Variants in FOXK2 observed in about 807,000 individuals in gnomAD.
FOXK2 encodes the protein forkhead box K2.
In FOXK2, 24 loss-of-function variants were observed where a neutral mutation model predicts 53.3. The observed-to-expected ratio is 0.45, with a 90% CI of 0.33 to 0.63. FOXK2 has a LOEUF of 0.63. Ranked by LOEUF, FOXK2 falls within the 30% of genes least tolerant of loss-of-function variation. FOXK2 has a pLI of 0.03. For synonymous variants in FOXK2, 505 were observed against 407.1 expected (o/e 1.24, Z -2.89); for missense variants, 952 against 910.5 (o/e 1.05, Z -0.59).
At position 82,585,502 on chromosome 17, in the gene FOXK2, A is replaced by C. The variant is rs1352316624; in HGVS notation, c.1280-402A>C. Among the ~76,000 whole-genome samples the C allele has an allele frequency of 5.9e-5, 9 of 152,214 alleles. No individual in the cohort carries two copies. In the Middle Eastern group the frequency reaches 0.017, roughly 288 times the overall value. Reference sequence around the variant, plus strand: ...AACATGCCCGGTTAATATTTGTCGTAGAGACAGGGTCTCCCTATGCCCAGG... The same window carrying C: ...AACATGCCCGGTTAATATTTGTCGTCGAGACAGGGTCTCCCTATGCCCAGG... On this transcript the variant is annotated intron_variant, in intron 6 of 8. Coordinates refer to ENST00000335255, the MANE Select transcript of FOXK2 (RefSeq NM_004514.4).
At chr17:82,573,225 T>G (rs1021953514) in intron 4 of FOXK2, among the ~76,000 whole-genome samples, 6 of 151,880 alleles carry the variant, frequency 4.0e-5, no homozygotes, top group African/African-American at 1.5e-4. Flanking sequence ...CAGCCACGTC[T>G]TCCATATTTC....
At chr17:82,555,262 G>A (rs1206181909) in intron 1 of FOXK2, among the ~76,000 whole-genome samples, 2 of 152,178 alleles carry the variant, frequency 1.3e-5, no homozygotes, top group African/African-American at 2.4e-5. Flanking sequence ...AGCTGCATGT[G>A]GACCTGCACT....
intron 1 of FOXK2, among the ~76,000 whole-genome samples, chr17:82,556,211 C>T (rs560283281): frequency 3.0e-4 from 46 of 151,792 alleles, no homozygotes; most frequent in African/African-American, 9.4e-4. Context: ...TTTGGGAGGC[C>T]GAGGTGGGCG....
intron 8 of FOXK2, chr17:82,601,039 C>A (rs2045376714): frequency 4.6e-6 from 2 of 435,602 alleles, no homozygotes; most frequent in South Asian, 9.0e-5. Flanking sequence ...TAAAAATGTC[C>A]GCTAATCAGG....
intron 4 of FOXK2, among the ~76,000 whole-genome samples, chr17:82,579,350 A>C (rs1000972793): frequency 6.6e-6 from 1 of 152,214 alleles, no homozygotes; most frequent in Admixed American, 6.5e-5. Context: ...GCTAAAGCCA[A>C]ATAAAACATT....
In FOXK2 at chr17:82,601,525, A is replaced by G. The variant is rs761242202; in HGVS notation, c.*26A>G. 3.2e-6 allele frequency: 5 copies of G among 1,580,286 alleles called. No individual in the cohort carries two copies. The highest frequency in any genetic ancestry group is 4.5e-5 in the East Asian group (2 of 44,364). ...CGACCGGGAGAGCTTTTCTTTAACG[A>G]TATCAACTCTGTGGTGCCAAAAGGA... On this transcript the variant is annotated 3_prime_UTR_variant, in exon 9 of 9. Transcript: ENST00000335255.
chr17:82,559,215 G>A (rs549051835), intron 1 of FOXK2: 11 of 384,690 alleles, frequency 2.9e-5, no homozygotes, highest in Non-Finnish European at 5.9e-5. Context: ...TGTTTGATTT[G>A]GTGTCCTGAG....
At chr17:82,563,309 G>A (rs754956035) in intron 1 of FOXK2, 45 bp from the exon 2 acceptor site, 19 of 1,577,238 alleles carry the variant, frequency 1.2e-5, no homozygotes, top group Non-Finnish European at 1.6e-5. Context: ...GCCCTGCCCC[G>A]GCTGGAACAG....
intron 1 of FOXK2, among the ~76,000 whole-genome samples, chr17:82,541,915 C>T (rs2044578251): frequency 1.3e-5 from 2 of 148,386 alleles, no homozygotes; most frequent in Admixed American, 6.7e-5. Context: ...GAGTCTCATT[C>T]GGTTTCCCAG....
At chr17:82,575,976 C>T (rs1244304543) in intron 4 of FOXK2, among the ~76,000 whole-genome samples, 9 of 120,112 alleles carry the variant, frequency 7.5e-5, no homozygotes, top group African/African-American at 1.0e-4. Flanking sequence ...CGGGTGGCGG[C>T]GGCGGGTTCG....
At position 82,601,181 on chromosome 17, in the gene FOXK2, G is replaced by A; in HGVS notation, c.1787-122G>A. On this transcript the variant is annotated intron_variant, in intron 8 of 8. Transcript: ENST00000335255. ...CCTGGGAGTGGCAGGACCCTTAGAGGGCGAGAGTTCACATGAGAGCGTGGG... is the reference window on the plus strand; with the variant it reads ...CCTGGGAGTGGCAGGACCCTTAGAGAGCGAGAGTTCACATGAGAGCGTGGG... 5 of 1,077,058 alleles carry A rather than the reference G, an allele frequency of 4.6e-6. No homozygotes were observed. In the East Asian group the frequency reaches 1.0e-4, roughly 23 times the overall value. 66.7% of individuals were successfully genotyped at this position (1,077,058 alleles called of 1,614,324 possible).
At position 82,590,057 on chromosome 17, in the gene FOXK2, AAAG is replaced by A. The variant is rs1245334385; in HGVS notation, c.1786+2786_1786+2788del. Reference sequence around the variant, plus strand: ...CGAGACTCCATCTCAAAAAAAAAAAAAAGTCTTGTCAGCACCAGTATTTCCTAT... The same window carrying A: ...CGAGACTCCATCTCAAAAAAAAAAAATCTTGTCAGCACCAGTATTTCCTAT... On this transcript the variant is annotated intron_variant, in intron 8 of 8. Coordinates refer to ENST00000335255, the MANE Select transcript of FOXK2 (RefSeq NM_004514.4). Among the ~76,000 whole-genome samples, 9 of 152,080 alleles carry A rather than the reference AAAG, an allele frequency of 5.9e-5. No individual in the cohort carries two copies. In the East Asian group the frequency reaches 1.2e-3, roughly 20 times the overall value.
At chr17:82,522,826 C>G (rs772232257) in intron 1 of FOXK2, among the ~76,000 whole-genome samples, 1 of 151,942 alleles carries the variant, frequency 6.6e-6, no homozygotes, top group African/African-American at 2.4e-5. Flanking sequence ...GACGGAGTCT[C>G]GCTCTGTTGC....
chr17:82,601,434 A>T lies in FOXK2; in HGVS notation c.1918A>T (p.Ile640Phe). Reference protein sequence around the residue: ...KRIKTEDGEGIVIALSVDTPP... With the variant: ...KRIKTEDGEGFVIALSVDTPP... The stretch of plus-strand genomic sequence containing the variant: ...GATCAAGACAGAAGACGGCGAGGGC[A>T]TCGTCATTGCCCTGAGCGTGGACAC... Residue 640 changes from isoleucine (I) to phenylalanine (F), a missense_variant, in exon 9 of 9, where the codon ATC (isoleucine) becomes TTC (phenylalanine). Physicochemically the swap from Ile to Phe is conservative, Grantham distance 21. Around this residue, in one of 5 missense-constraint regions of FOXK2, gnomAD observed 551 missense variants for 385.1 expected, o/e 1.43. Coordinates refer to ENST00000335255, the MANE Select transcript of FOXK2 (RefSeq NM_004514.4). 1 of 1,612,828 alleles carries T rather than the reference A, an allele frequency of 6.2e-7. No individual in the cohort carries two copies. The highest frequency in any genetic ancestry group is 8.5e-7 in the Non-Finnish European group (1 of 1,180,014).
intron 1 of FOXK2, among the ~76,000 whole-genome samples, chr17:82,546,783 A>G (rs2044629608): frequency 6.6e-6 from 1 of 152,070 alleles, no homozygotes; most frequent in Non-Finnish European, 1.5e-5. Context: ...TCGCTTTTAA[A>G]TAAAGAACTC....
At chr17:82,570,540 G>A (rs903126586) in intron 3 of FOXK2, among the ~76,000 whole-genome samples, 3 of 152,302 alleles carry the variant, frequency 2.0e-5, no homozygotes, top group South Asian at 4.2e-4. Context: ...AGCTGTCAGC[G>A]CTGAACGCGG....
intron 1 of FOXK2, among the ~76,000 whole-genome samples, chr17:82,549,109 G>A (rs1400851194): frequency 6.6e-6 from 1 of 152,310 alleles, no homozygotes; most frequent in East Asian, 1.9e-4. Context: ...GAACATTATA[G>A]GAGAATGTGT....
intron 1 of FOXK2, among the ~76,000 whole-genome samples, chr17:82,531,253 T>G (rs1315344603): frequency 6.6e-6 from 1 of 152,146 alleles, no homozygotes; most frequent in Admixed American, 6.6e-5. Flanking sequence ...TATTGCTGAA[T>G]TGGTTGGATG....
chr17:82,561,489 G>C (rs1031160315), intron 1 of FOXK2, among the ~76,000 whole-genome samples: 10 of 152,116 alleles, frequency 6.6e-5, no homozygotes, highest in African/African-American at 2.4e-4. Flanking sequence ...GGAGGCTCCG[G>C]TAAGGGGTTG....
Sources: gnomAD v4.1 joint callset for allele counts (sites outside exome capture counted in the v4.1 genomes callset) on GRCh38, gnomAD v4.1.1 for gene constraint, gnomAD v4.1.1 regional missense constraint, MANE v1.5 for transcripts, NCBI Gene and HGNC (gene_info 2026-07-23, HGNC 2026-07-21) for gene names.